The following BRF1 variants were observed in gnomAD, a reference collection of about 807,000 sequenced individuals.
The protein encoded by BRF1 is transcription factor IIIB 90 kDa subunit.
BRF1 carries 59 observed loss-of-function variants against 81.7 expected under a neutral mutation model. That is an observed-to-expected ratio of 0.72 (90% CI 0.59 to 0.90). The LOEUF (loss-of-function observed/expected upper bound fraction) is 0.90, where lower values mean the gene tolerates loss of function less well. Ranked by LOEUF, BRF1 falls within the 40% of genes least tolerant of loss-of-function variation. The pLI is 0.00. For missense variants in BRF1, 1,050 were observed against 936.3 expected (o/e 1.12, Z -1.58); for synonymous variants, 491 against 395.6 (o/e 1.24, Z -2.86).
chr14:105,290,666 C>T (rs147391043), intron 1 of BRF1, among the ~76,000 whole-genome samples: 40 of 152,266 alleles, frequency 2.6e-4, no homozygotes, highest in African/African-American at 8.9e-4. Flanking sequence ...CACTGCAAAG[C>T]TGCATGCGTC....
chr14:105,274,469 C>T (rs1032956277), intron 2 of BRF1, among the ~76,000 whole-genome samples: 2 of 152,150 alleles, frequency 1.3e-5, no homozygotes, highest in Non-Finnish European at 2.9e-5. Flanking sequence ...GCAGGCCACC[C>T]CTTCACCATG....
chr14:105,292,354 T>C (rs1300648108), intron 1 of BRF1, among the ~76,000 whole-genome samples: 1 of 152,072 alleles, frequency 6.6e-6, no homozygotes, highest in Non-Finnish European at 1.5e-5. Context: ...CAGCTAATTT[T>C]TGTATTTTGG....
chr14:105,219,066 A>G lies in BRF1; in HGVS notation c.1460-13T>C. The G allele has an allele frequency of 1.2e-6, 2 of 1,613,782 alleles. No individual in the cohort carries two copies. The highest frequency in any genetic ancestry group is 1.7e-6 in the Non-Finnish European group (2 of 1,179,968). On this transcript the variant is annotated splice_polypyrimidine_tract_variant and intron_variant, in intron 13 of 17. Transcript: ENST00000547530. ...CTTGCTTCTTTTTCTAAAAGTTCAG[A>G]AAGGGGGCCAGCGTCACTGAGGGCC... is the stretch of plus-strand genomic sequence containing the variant.
chr14:105,218,579 G>A (rs1439658019), intron 14 of BRF1, among the ~76,000 whole-genome samples: 1 of 152,240 alleles, frequency 6.6e-6, no homozygotes, highest in Non-Finnish European at 1.5e-5. Flanking sequence ...CGAGGCTGAA[G>A]GCACATTCCG....
In BRF1 at chr14:105,209,354, C is replaced by T. The variant is rs1399916988; in HGVS notation, c.*1197G>A. 7.4e-5 allele frequency: 43 copies of T among 580,418 alleles called. No individual in the cohort carries two copies. The South Asian group carries it at 8.1e-4, about 11-fold the overall frequency. The allele number at this position is 580,418 out of a possible 1,614,324, so 36.0% of individuals were successfully genotyped here. A position where few individuals can be genotyped will look rare whatever the true frequency, so the allele number is the denominator to read the frequency against. On this transcript the variant is annotated 3_prime_UTR_variant, in exon 18 of 18. Transcript: ENST00000547530. ...TTCTTCCCCCAAGCCCTCGAGAAGCCCTGGCAGGACCCAGGCTGGCTACTG... is the reference window on the plus strand; with the variant it reads ...TTCTTCCCCCAAGCCCTCGAGAAGCTCTGGCAGGACCCAGGCTGGCTACTG...
At position 105,315,021 on chromosome 14, in the gene BRF1, C is replaced by T; in HGVS notation, c.-162+301G>A. ...CACCTGGGAGGTGGACGGCTCCAGC[C>T]CCAGCTGCGTGCCCAGGTACGCGCC... On this transcript the variant is annotated intron_variant, in intron 1 of 17. Coordinates refer to the BRF1 transcript ENST00000327359. This position sits in a 1 kb window ranked among gnomAD's most constrained non-coding sequence, Gnocchi z 4.4. The T allele has an allele frequency of 1.6e-6, 2 of 1,226,336 alleles. No individual in the cohort carries two copies. The highest frequency in any genetic ancestry group is 1.0e-6 in the Non-Finnish European group (1 of 965,598). 76.0% of individuals were successfully genotyped at this position (1,226,336 alleles called of 1,614,324 possible). A position where few individuals can be genotyped will look rare whatever the true frequency, so the allele number is the denominator to read the frequency against.
intron 2 of BRF1, among the ~76,000 whole-genome samples, chr14:105,279,738 G>A (rs1253247140): frequency 1.3e-5 from 2 of 152,176 alleles, no homozygotes; most frequent in Non-Finnish European, 2.9e-5. Flanking sequence ...TGTGTCCACC[G>A]AAGGACCAGG....
At chr14:105,245,432 A>G (rs967933015) in intron 5 of BRF1, among the ~76,000 whole-genome samples, 8 of 152,184 alleles carry the variant, frequency 5.3e-5, no homozygotes, top group African/African-American at 1.9e-4. Context: ...CTAAAAATTA[A>G]CAAAATTAAT....
upstream of BRF1, among the ~76,000 whole-genome samples, chr14:105,305,923 G>A (rs926986534): frequency 6.6e-6 from 1 of 152,228 alleles, no homozygotes; most frequent in South Asian, 2.1e-4. Flanking sequence ...CAAAGAGGAC[G>A]CTGGAAACGT....
intron 3 of BRF1, among the ~76,000 whole-genome samples, chr14:105,266,448 C>T (rs958025136): frequency 6.6e-6 from 1 of 151,876 alleles, no homozygotes; most frequent in Non-Finnish European, 1.5e-5. Flanking sequence ...GTGTTATTTA[C>T]GTTAGGTAAC....
intron 5 of BRF1, among the ~76,000 whole-genome samples, chr14:105,243,285 C>CG (rs2054840682): frequency 7.8e-6 from 1 of 127,740 alleles, no homozygotes; most frequent in African/African-American, 3.0e-5. Context: ...TACTAAAATA[C>CG]AAAAAAAAAA....
chr14:105,216,082 A>G (rs1595253523), intron 15 of BRF1, among the ~76,000 whole-genome samples: 1 of 152,016 alleles, frequency 6.6e-6, no homozygotes, highest in East Asian at 1.9e-4. Context: ...ACATGCACAC[A>G]AATACTGCAT....
At chr14:105,296,385 C>A (rs1177030342) in intron 1 of BRF1, among the ~76,000 whole-genome samples, 1 of 152,010 alleles carries the variant, frequency 6.6e-6, no homozygotes, top group Non-Finnish European at 1.5e-5. Flanking sequence ...TGGTGCTGGG[C>A]GCCTGTAATC....
chr14:105,255,292 G>C (rs1319994515), intron 4 of BRF1, among the ~76,000 whole-genome samples: 1 of 152,248 alleles, frequency 6.6e-6, no homozygotes, highest in East Asian at 1.9e-4. Flanking sequence ...TGGACTTGCT[G>C]GATTATCACA....
chr14:105,228,969 T>C (rs1417954205), intron 6 of BRF1, 56 bp from the exon 7 acceptor site: 21 of 1,522,838 alleles, frequency 1.4e-5, no homozygotes, highest in East Asian at 4.5e-5. Flanking sequence ...GGGCAACATC[T>C]GTGGCGGCCC....
chr14:105,267,109 A>C (rs2056450171), intron 3 of BRF1, among the ~76,000 whole-genome samples: 1 of 152,226 alleles, frequency 6.6e-6, no homozygotes, highest in South Asian at 2.1e-4. Flanking sequence ...GTGTGCATTA[A>C]AGGAGAGACT....
At chr14:105,217,965 C>A (rs933718175) in intron 14 of BRF1, among the ~76,000 whole-genome samples, 165 bp from the exon 15 acceptor site, 3 of 152,248 alleles carry the variant, frequency 2.0e-5, no homozygotes, top group Admixed American at 6.5e-5. Flanking sequence ...GCCTGGTGCT[C>A]TCTGGGCCTG....
intron 4 of BRF1, among the ~76,000 whole-genome samples, chr14:105,253,428 C>T (rs1034459815): frequency 1.3e-5 from 2 of 152,218 alleles, no homozygotes; most frequent in African/African-American, 4.8e-5. Context: ...CAGGCTTGGC[C>T]AGTCTGACCC....
At chr14:105,296,934 G>A (rs7145525) in intron 1 of BRF1, among the ~76,000 whole-genome samples, 9,874 of 152,126 alleles carry the variant, frequency 0.065, 458 homozygotes, top group Non-Finnish European at 0.099. Context: ...AGTGGGGGGG[G>A]ATCACTTGAG....
Sources: gnomAD v4.1 joint callset for allele counts (sites outside exome capture counted in the v4.1 genomes callset) on GRCh38, gnomAD v4.1.1 for gene constraint, Gnocchi (gnomAD v3.1) non-coding constraint, MANE v1.5 for transcripts, NCBI Gene and HGNC (gene_info 2026-07-23, HGNC 2026-07-21) for gene names.